CASP4: variants seen among roughly 807,000 people sequenced by gnomAD.
CASP4 encodes the protein caspase 4, also known as caspase-4.
A neutral mutation model predicts 41.3 loss-of-function variants in CASP4; 29 were observed. That is an observed-to-expected ratio of 0.70 (90% CI 0.52 to 0.96). CASP4 has a LOEUF of 0.96. Ranked by LOEUF, CASP4 falls within the 40% of genes least tolerant of loss-of-function variation. The pLI, the probability that CASP4 is intolerant of heterozygous loss-of-function variation, is 0.00. For synonymous variants in CASP4, 185 were observed against 158.4 expected, an observed-to-expected ratio of 1.17 and a Z score of -1.26; for missense variants, 447 against 460.6, an observed-to-expected ratio of 0.97 and a Z score of 0.27.
chr11:104,961,558 G>T (rs890550777), intron 1 of CASP4, among the ~76,000 whole-genome samples: 1 of 152,170 alleles, frequency 6.6e-6, no homozygotes, highest in Non-Finnish European at 1.5e-5. Context: ...CCACCACGGG[G>T]TATCTGTTCG....
rs530474953 is a variant in CASP4, at chr11:104,953,237, C to T, written c.263-1232G>A. Among the ~76,000 whole-genome samples the T allele has an allele frequency of 5.3e-5, 8 of 152,120 alleles. No individual in the cohort carries two copies. In the South Asian group the frequency reaches 1.7e-3, roughly 32 times the overall value. ...ACACTGGCAGTGTACCTAAAGTTTC[C>T]TGGGATTGCTCTGGAGACTCCAACT... On this transcript the variant is annotated intron_variant, in intron 2 of 8. Transcript: ENST00000444739.
In CASP4 at chr11:104,949,880, TC is replaced by T. The variant is rs1008629170; in HGVS notation, c.547-104del. 4 of 1,062,906 alleles carry T rather than the reference TC, an allele frequency of 3.8e-6. No individual in the cohort carries two copies. In the African/African-American group the frequency reaches 4.7e-5, roughly 12 times the overall value. 65.8% of individuals were successfully genotyped at this position (1,062,906 alleles called of 1,614,324 possible). On this transcript the variant is annotated intron_variant, in intron 4 of 8. Transcript: ENST00000444739. ...ACAAGAAACATATGTAACATCCAGG[TC>T]GTGGTGCTTCACTTAGTGCTTACTC...
At chr11:104,961,567 C>T (rs553514875) in intron 1 of CASP4, among the ~76,000 whole-genome samples, 3 of 152,060 alleles carry the variant, frequency 2.0e-5, no homozygotes, top group African/African-American at 4.8e-5. Context: ...GGTATCTGTT[C>T]GGCTCCACTG....
chr11:104,957,869 G>A (rs562091024), intron 1 of CASP4, among the ~76,000 whole-genome samples: 8 of 151,774 alleles, frequency 5.3e-5, no homozygotes, highest in South Asian at 2.1e-4. Context: ...TGCAGGCATC[G>A]CACTATCTGA....
intron 1 of CASP4, among the ~76,000 whole-genome samples, chr11:104,958,246 A>T (rs192294460): frequency 5.0e-4 from 76 of 152,320 alleles, no homozygotes; most frequent in Non-Finnish European, 9.7e-4. Flanking sequence ...GATATGACAG[A>T]AAAGGACAGG....
At chr11:104,947,299 T>G in intron 6 of CASP4, 107 bp from the exon 7 acceptor site, 1 of 618,992 alleles carries the variant, frequency 1.6e-6, no homozygotes, top group South Asian at 2.6e-5. Flanking sequence ...GCTTGGGAAT[T>G]ATCTTTACAG....
intron 1 of CASP4, among the ~76,000 whole-genome samples, chr11:104,964,169 C>T (rs1860922768): frequency 6.6e-6 from 1 of 152,134 alleles, no homozygotes; most frequent in Non-Finnish European, 1.5e-5. Context: ...CATCCACAGA[C>T]ATTTTGTCTT....
chr11:104,954,644 A>G, intron 2 of CASP4, 103 bp downstream of exon 2: 1 of 1,066,816 alleles, frequency 9.4e-7, no homozygotes. Context: ...ATGATAGTTT[A>G]GGAAGGGAAA....
rs114147122 is a variant in CASP4 at position 104,960,168 on chromosome 11, T to C, written c.8-5167A>G. 1.2e-3 allele frequency among the ~76,000 whole-genome samples: 187 copies of C among 152,278 alleles called. 2 individuals are homozygous for C. The highest frequency in any genetic ancestry group is 4.2e-3 in the African/African-American group (175 of 41,562). ...CAGCCCCTACCTTCTCATTCATTCT[T>C]GTTTTCCTACTGCTGTCTGTCTAAC... On this transcript the variant is annotated intron_variant, in intron 1 of 8. Coordinates refer to ENST00000444739, the MANE Select transcript of CASP4 (RefSeq NM_001225.4).
At position 104,942,955 on chromosome 11, in the gene CASP4, C is replaced by CT. The variant is rs1394451997; in HGVS notation, c.*23dup. ...GCTCCTTGAAGTTGATTAAGGAGGG[C>CT]TGGGCTGCTTGTGGCTTCCTGCAGG... On this transcript the variant is annotated 3_prime_UTR_variant, in exon 9 of 9. Transcript: ENST00000444739. The CT allele has an allele frequency of 3.1e-5, 14 of 455,482 alleles. No individual in the cohort carries two copies. The highest frequency in any genetic ancestry group is 5.7e-5 in the Non-Finnish European group (13 of 226,886). 28.2% of individuals were successfully genotyped at this position (455,482 alleles called of 1,614,324 possible). A position where few individuals can be genotyped will look rare whatever the true frequency, so the allele number is the denominator to read the frequency against.
At chr11:104,960,339 A>C (rs55892076) in intron 1 of CASP4, among the ~76,000 whole-genome samples, 4 of 152,224 alleles carry the variant, frequency 2.6e-5, no homozygotes, top group African/African-American at 9.6e-5. Flanking sequence ...TCCTTCAAGT[A>C]TCAGATTAGA....
intron 1 of CASP4, among the ~76,000 whole-genome samples, chr11:104,965,285 T>C (rs1026229910): frequency 3.9e-5 from 6 of 152,228 alleles, no homozygotes; most frequent in African/African-American, 9.6e-5. Context: ...TGTTTTTGCA[T>C]TGCAAGCATT....
chr11:104,942,978 AG>A lies in CASP4; in HGVS notation c.*6-6del. 2.2e-6 allele frequency: 1 copy of A among 455,006 alleles called. No individual in the cohort carries two copies. The highest frequency in any genetic ancestry group is 4.4e-6 in the Non-Finnish European group (1 of 226,874). 28.2% of individuals were successfully genotyped at this position (455,006 alleles called of 1,614,324 possible). A position where few individuals can be genotyped will look rare whatever the true frequency, so the allele number is the denominator to read the frequency against. On this transcript the variant is annotated splice_region_variant and splice_polypyrimidine_tract_variant and intron_variant, in intron 8 of 8. Transcript: ENST00000444739. The stretch of plus-strand genomic sequence containing the variant: ...GGCTGGGCTGCTTGTGGCTTCCTGC[AG>A]GGGAGAGAAAAAACAGAAGGTCAAG...
In CASP4 at chr11:104,949,693, C is replaced by CA. The variant is rs761281592; in HGVS notation, c.630dup (p.Gly211TrpfsTer12). The CA allele has an allele frequency of 6.2e-7, 1 of 1,613,918 alleles. No individual in the cohort carries two copies. The highest frequency in any genetic ancestry group is 1.1e-5 in the South Asian group (1 of 91,078). Reference sequence around the variant, plus strand: ...GTTCCGCAGATTCCCTCCAGGATGCCATGAGACATGAGTACCAAGAATGTG... The same window carrying CA: ...GTTCCGCAGATTCCCTCCAGGATGCCAATGAGACATGAGTACCAAGAATGTG... On this transcript the variant is annotated frameshift_variant, in exon 5 of 9. Coordinates refer to ENST00000444739, the MANE Select transcript of CASP4 (RefSeq NM_001225.4). LOFTEE classifies it high-confidence loss of function.
Position 104,951,995 on chromosome 11 carries a change from A to T in CASP4, c.273T>A (p.Asn91Lys). ...CTGACTCAGGTGGTCCAGCCTCCATATTCGGATGAGCTGCAGGATATTGCA... is the reference window on the plus strand; with the variant it reads ...CTGACTCAGGTGGTCCAGCCTCCATTTTCGGATGAGCTGCAGGATATTGCA... Reference protein sequence around the residue: ...QISPNKKAHPNMEAGPPESGE... With the variant: ...QISPNKKAHPKMEAGPPESGE... The change falls in exon 3 of 9, where the codon AAT becomes AAA. Residue 91 changes from asparagine (N) to lysine (K), a missense_variant. Asn to Lys is a moderately conservative substitution (Grantham distance 94). Coordinates refer to ENST00000444739, the MANE Select transcript of CASP4 (RefSeq NM_001225.4). The T allele has an allele frequency of 1.2e-6, 2 of 1,606,332 alleles. No individual in the cohort carries two copies. The highest frequency in any genetic ancestry group is 1.7e-6 in the Non-Finnish European group (2 of 1,173,706).
chr11:104,955,707 G>A (rs1860722264), intron 1 of CASP4, among the ~76,000 whole-genome samples: 2 of 151,994 alleles, frequency 1.3e-5, no homozygotes, highest in African/African-American at 4.8e-5. Context: ...CCATGTTAAT[G>A]TATTACTCCT....
intron 4 of CASP4, among the ~76,000 whole-genome samples, chr11:104,950,253 C>T (rs1215683680): frequency 6.6e-6 from 1 of 152,156 alleles, no homozygotes; most frequent in East Asian, 1.9e-4. Context: ...TCATTTTCAG[C>T]TCAGCTCTTT....
chr11:104,948,435 T>A (rs1860515944), intron 6 of CASP4, 98 bp downstream of exon 6: 1 of 1,216,560 alleles, frequency 8.2e-7, no homozygotes. Flanking sequence ...CACAACATTC[T>A]ATCAGATCAT....
intron 5 of CASP4, chr11:104,949,269 C>T (rs558536313): frequency 1.7e-5 from 8 of 457,942 alleles, no homozygotes; most frequent in African/African-American, 1.2e-4. Flanking sequence ...TGATTCCATT[C>T]CAAAGTTTGA....
Sources: allele counts gnomAD v4.1 joint callset (sites outside exome capture counted in the v4.1 genomes callset), GRCh38; gene constraint gnomAD v4.1.1; transcripts MANE v1.5; gene names NCBI Gene and HGNC (gene_info 2026-07-23, HGNC 2026-07-21).